Variants in GALNT13 observed in about 807,000 individuals in gnomAD.
The protein encoded by GALNT13 is UDP-GalNAc:polypeptide N-acetylgalactosaminyltransferase 13.
GALNT13 carries 28 observed loss-of-function variants against 64.2 expected under a neutral mutation model. That is an observed-to-expected ratio of 0.44 (90% CI 0.32 to 0.60). The LOEUF is 0.60. GALNT13 is among the 20% of genes least tolerant of loss of function. The pLI is 0.05. For missense variants in GALNT13, 577 were observed against 669.8 expected (o/e 0.86, Z 1.53); for synonymous variants, 214 against 224.6 (o/e 0.95, Z 0.42).
At chr2:154,330,993 G>A (rs920947851) in intron 9 of GALNT13, among the ~76,000 whole-genome samples, 6 of 151,992 alleles carry the variant, frequency 3.9e-5, no homozygotes, top group African/African-American at 1.4e-4. Flanking sequence ...AAAAGATATA[G>A]GAGTAAACTT....
At chr2:154,207,554 G>T (rs1281241727) in intron 4 of GALNT13, among the ~76,000 whole-genome samples, 2 of 151,960 alleles carry the variant, frequency 1.3e-5, no homozygotes, top group South Asian at 2.1e-4. Flanking sequence ...ATAATCAGTG[G>T]TCATTAAATG....
intron 3 of GALNT13, among the ~76,000 whole-genome samples, chr2:153,958,150 G>A (rs1319183624): frequency 2.0e-5 from 3 of 152,192 alleles, no homozygotes; most frequent in Non-Finnish European, 4.4e-5. Context: ...GCTGAGGCTA[G>A]TTGGATAAGG....
intron 3 of GALNT13, among the ~76,000 whole-genome samples, chr2:154,090,180 C>T (rs1477275130): frequency 6.6e-6 from 1 of 151,970 alleles, no homozygotes; most frequent in African/African-American, 2.4e-5. Context: ...GTGTGGAATA[C>T]TCCTTTGAAG....
chr2:153,372,861 ATCTTT>A, the GALNT13 span, among the ~76,000 whole-genome samples: 4 of 152,068 alleles, frequency 2.6e-5, no homozygotes, highest in African/African-American at 9.7e-5. Flanking sequence ...TGCTTGAACT[ATCTTT>A]TCTTTTTTAT....
At chr2:154,353,362 A>T (rs80015485) in intron 9 of GALNT13, among the ~76,000 whole-genome samples, 1 of 152,196 alleles carries the variant, frequency 6.6e-6, no homozygotes, top group Non-Finnish European at 1.5e-5. Context: ...TAGATAGTAA[A>T]ATGGTTATTA....
At chr2:154,398,151 T>A (rs756976190) in intron 10 of GALNT13, among the ~76,000 whole-genome samples, 6 of 152,222 alleles carry the variant, frequency 3.9e-5, no homozygotes, top group Non-Finnish European at 7.4e-5. Context: ...CCTGACTATA[T>A]CCTCAGAAGA....
chr2:154,059,799 G>A (rs983907995), intron 3 of GALNT13, among the ~76,000 whole-genome samples: 3 of 151,928 alleles, frequency 2.0e-5, no homozygotes, highest in Non-Finnish European at 2.9e-5. Flanking sequence ...AGATGCCTGC[G>A]GGAAAGAGAT....
the GALNT13 span, among the ~76,000 whole-genome samples, chr2:153,336,155 G>C: frequency 6.6e-6 from 1 of 152,318 alleles, no homozygotes; most frequent in East Asian, 1.9e-4. Flanking sequence ...TGCTCCTGGG[G>C]AACCTCTGCT....
At chr2:153,199,021 A>C in the GALNT13 span, among the ~76,000 whole-genome samples, 1 of 152,140 alleles carries the variant, frequency 6.6e-6, no homozygotes, top group African/African-American at 2.4e-5. Context: ...GTGAGCCTTC[A>C]TTCCTCTTTT....
At chr2:153,643,194 G>C in the GALNT13 span, among the ~76,000 whole-genome samples, 1 of 151,166 alleles carries the variant, frequency 6.6e-6, no homozygotes, top group Non-Finnish European at 1.5e-5. Context: ...ATGTAATAAA[G>C]TGAATTCACA....
At chr2:153,150,190 C>G in the GALNT13 span, among the ~76,000 whole-genome samples, 1 of 151,876 alleles carries the variant, frequency 6.6e-6, no homozygotes, top group Non-Finnish European at 1.5e-5. Flanking sequence ...GATTCAACAC[C>G]TTTGATGTCA....
chr2:153,317,351 T>C, the GALNT13 span, among the ~76,000 whole-genome samples: 1 of 152,142 alleles, frequency 6.6e-6, no homozygotes, highest in Non-Finnish European at 1.5e-5. Context: ...AAGTTCTTGG[T>C]GGATAAGCAG....
chr2:154,175,160 C>A (rs1435974614), intron 4 of GALNT13, among the ~76,000 whole-genome samples: 1 of 152,126 alleles, frequency 6.6e-6, no homozygotes, highest in Non-Finnish European at 1.5e-5. Flanking sequence ...TATTCTTACC[C>A]AATGAATACA....
intron 4 of GALNT13, among the ~76,000 whole-genome samples, chr2:154,152,247 T>A (rs1180807235): frequency 6.6e-6 from 1 of 152,180 alleles, no homozygotes; most frequent in Non-Finnish European, 1.5e-5. Context: ...TTAAGAATGT[T>A]GAATATTGGC....
At chr2:153,605,133 T>A in the GALNT13 span, among the ~76,000 whole-genome samples, 1 of 152,108 alleles carries the variant, frequency 6.6e-6, no homozygotes, top group Non-Finnish European at 1.5e-5. Context: ...ATGAAAAGCC[T>A]GTGTGCTCAG....
At chr2:153,898,770 A>C (rs1286489517) in intron 1 of GALNT13, among the ~76,000 whole-genome samples, 1 of 151,908 alleles carries the variant, frequency 6.6e-6, no homozygotes, top group Non-Finnish European at 1.5e-5. Flanking sequence ...GAATCTAGTG[A>C]AATGTAGTAT....
the GALNT13 span, among the ~76,000 whole-genome samples, chr2:153,285,034 T>C: frequency 7.1e-6 from 1 of 141,650 alleles, no homozygotes; most frequent in Non-Finnish European, 1.5e-5. Context: ...GTAATTTATT[T>C]AAAAAAAAAA....
At chr2:153,896,103 T>TA (rs1183141424) in intron 1 of GALNT13, among the ~76,000 whole-genome samples, 2 of 148,562 alleles carry the variant, frequency 1.3e-5, no homozygotes, top group East Asian at 2.0e-4. Context: ...TTTCCTAAAT[T>TA]AAAAAAAACT....
the GALNT13 span, among the ~76,000 whole-genome samples, chr2:153,524,393 C>T: frequency 0.076 from 11,315 of 149,782 alleles, 475 homozygotes; most frequent in East Asian, 0.21. Context: ...CCTGCAAGGA[C>T]ACCAATTTAA....
Sources: gnomAD v4.1 joint callset for allele counts (sites outside exome capture counted in the v4.1 genomes callset) on GRCh38, gnomAD v4.1.1 for gene constraint, MANE v1.5 for transcripts, NCBI Gene and HGNC (gene_info 2026-07-23, HGNC 2026-07-21) for gene names.